Variants in SNX18 observed in about 807,000 individuals in gnomAD.
SNX18 encodes the protein sorting nexin-18.
Under a neutral mutation model 48.7 loss-of-function variants are expected in SNX18, and 35 were observed. The ratio of observed to expected loss-of-function variants is 0.72; its 90% CI spans 0.55 to 0.95. SNX18 has a LOEUF of 0.95. SNX18 is among the 40% of genes least tolerant of loss of function. The pLI, the probability that SNX18 is intolerant of heterozygous loss-of-function variation, is 0.00. For missense variants in SNX18, 824 were observed against 871.0 expected (o/e 0.95, Z 0.68); for synonymous variants, 492 against 384.7 (o/e 1.28, Z -3.26).
In SNX18 at chr5:54,518,538, T is replaced by C; in HGVS notation, c.586T>C (p.Ser196Pro). 6.3e-7 allele frequency: 1 copy of C among 1,580,614 alleles called. No homozygotes were observed. Among genetic ancestry groups the C allele is most frequent in the Non-Finnish European group, 8.6e-7 (1 of 1,164,570 alleles). ...GVGAAGRYRL[S>P]TRSDLSLGSR... ...GGGCGCAGCCGGCCGCTACCGCCTG[T>C]CCACGCGCTCCGACCTGTCCCTGGG... The change falls in exon 1 of 2, where the codon TCC becomes CCC. Residue 196 changes from serine (S) to proline (P), a missense_variant. By Grantham distance (74) the Ser-to-Pro change is moderately conservative. Transcript: ENST00000381410.
At chr5:54,621,763 TGATGA>T in the SNX18 span, among the ~76,000 whole-genome samples, 1 of 152,192 alleles carries the variant, frequency 6.6e-6, no homozygotes, top group Non-Finnish European at 1.5e-5. Flanking sequence ...TCCTTGTTCT[TGATGA>T]GATGGGTGGG....
At chr5:54,603,401 G>C in the SNX18 span, among the ~76,000 whole-genome samples, 1 of 151,930 alleles carries the variant, frequency 6.6e-6, no homozygotes, top group East Asian at 1.9e-4. Flanking sequence ...CACAATGCCT[G>C]GCCTAAAGAA....
chr5:54,640,548 G>T, the SNX18 span, among the ~76,000 whole-genome samples: 1 of 152,142 alleles, frequency 6.6e-6, no homozygotes, highest in African/African-American at 2.4e-5. Flanking sequence ...CTTACGCTCT[G>T]GCCTACAAGA....
the SNX18 span, among the ~76,000 whole-genome samples, chr5:54,574,944 C>T: frequency 6.6e-6 from 1 of 152,140 alleles, no homozygotes; most frequent in Non-Finnish European, 1.5e-5. Flanking sequence ...GGCCAGATTC[C>T]AAAGCATCTT....
chr5:54,528,665 TGACACACAG>T (rs932680896), intron 1 of SNX18, among the ~76,000 whole-genome samples: 1 of 152,206 alleles, frequency 6.6e-6, no homozygotes, highest in Non-Finnish European at 1.5e-5. Flanking sequence ...CTGTACCGTA[TGACACACAG>T]TCGTGGACAT....
chr5:54,622,414 G>A, the SNX18 span, among the ~76,000 whole-genome samples: 8 of 151,772 alleles, frequency 5.3e-5, no homozygotes, highest in East Asian at 1.6e-3. Flanking sequence ...TGGGAAGATC[G>A]TTTGAGCCCA....
the SNX18 span, among the ~76,000 whole-genome samples, chr5:54,600,330 A>T: frequency 6.6e-6 from 1 of 152,212 alleles, no homozygotes; most frequent in African/African-American, 2.4e-5. Context: ...AAGAAACAAC[A>T]GATGCTGGCA....
At chr5:54,528,986 G>A (rs932903328) in intron 1 of SNX18, among the ~76,000 whole-genome samples, 2 of 152,164 alleles carry the variant, frequency 1.3e-5, no homozygotes, top group African/African-American at 2.4e-5. Flanking sequence ...ACATGCTTTT[G>A]ATGTGCTGCT....
At chr5:54,630,788 C>A in the SNX18 span, among the ~76,000 whole-genome samples, 10 of 146,832 alleles carry the variant, frequency 6.8e-5, no homozygotes, top group African/African-American at 2.5e-4. Flanking sequence ...GAGCCAAGAT[C>A]GCCACTGCAC....
chr5:54,574,765 G>C, the SNX18 span, among the ~76,000 whole-genome samples: 2 of 152,044 alleles, frequency 1.3e-5, no homozygotes, highest in Non-Finnish European at 2.9e-5. Context: ...GTGTAGGGGC[G>C]GGTAAGGGTG....
intron 1 of SNX18, among the ~76,000 whole-genome samples, chr5:54,529,064 A>G (rs1762202120): frequency 2.6e-5 from 4 of 152,216 alleles, no homozygotes; most frequent in Admixed American, 2.6e-4. Flanking sequence ...CGACATGGCC[A>G]GGCCTGCACT....
At chr5:54,577,531 C>G in the SNX18 span, among the ~76,000 whole-genome samples, 1 of 152,016 alleles carries the variant, frequency 6.6e-6, no homozygotes, top group Non-Finnish European at 1.5e-5. Flanking sequence ...AATTGAAGCC[C>G]AGAGAGAGTT....
chr5:54,619,342 C>G, the SNX18 span, among the ~76,000 whole-genome samples: 1 of 152,266 alleles, frequency 6.6e-6, no homozygotes, highest in South Asian at 2.1e-4. Flanking sequence ...AAAACCCCAT[C>G]TCTACAAAAA....
At chr5:54,615,365 G>A in the SNX18 span, among the ~76,000 whole-genome samples, 1 of 152,122 alleles carries the variant, frequency 6.6e-6, no homozygotes, top group African/African-American at 2.4e-5. Context: ...CTCTGGGCTT[G>A]TGCCCCTACT....
Position 54,517,781 on chromosome 5 carries a change from C to T in SNX18, c.-172C>T, listed in dbSNP as rs1217558710. On this transcript the variant is annotated 5_prime_UTR_variant, in exon 1 of 2. Transcript: ENST00000381410. ...GGCAGTCGGCGCTGCGAAGTGGAGG[C>T]GCTGCGAGCGGAGCCGCGCGGAGGG... The T allele has an allele frequency of 9.7e-6, 5 of 514,250 alleles. No homozygotes were observed. In the Admixed American group the frequency reaches 1.4e-4, roughly 15 times the overall value. 31.9% of individuals were successfully genotyped at this position (514,250 alleles called of 1,614,324 possible).
At chr5:54,619,593 A>C in the SNX18 span, among the ~76,000 whole-genome samples, 67 of 152,290 alleles carry the variant, frequency 4.4e-4, no homozygotes, top group Non-Finnish European at 7.2e-4. Context: ...TGAATACACT[A>C]TCTATGATTC....
chr5:54,542,714 T>G (rs1169094186), intron 1 of SNX18, among the ~76,000 whole-genome samples: 1 of 152,242 alleles, frequency 6.6e-6, no homozygotes, highest in Non-Finnish European at 1.5e-5. Context: ...AGAGTCTGAA[T>G]TATTTAGTGA....
chr5:54,519,230 C>G lies in SNX18; in HGVS notation c.1278C>G (p.Ser426Arg). The G allele has an allele frequency of 6.2e-7, 1 of 1,614,132 alleles. No homozygotes were observed. Among genetic ancestry groups the G allele is most frequent in the Non-Finnish European group, 8.5e-7 (1 of 1,180,026 alleles). Residue 426 changes from serine (S) to arginine (R), a missense_variant, in exon 1 of 2, where the codon AGC (serine) becomes AGG (arginine). By Grantham distance (110) the Ser-to-Arg change is moderately radical. This residue lies in a region of SNX18 where 443 missense variants were observed against 503.6 expected (regional missense o/e 0.88). Transcript: ENST00000381410. Reference protein sequence around the residue: ...AAALDLQEVESKIDGFKCFTK... With the variant: ...AAALDLQEVERKIDGFKCFTK... ...CCCTTGACCTGCAGGAGGTGGAGAG[C>G]AAGATCGACGGCTTCAAGTGCTTCA... is the stretch of plus-strand genomic sequence containing the variant.
the SNX18 span, among the ~76,000 whole-genome samples, chr5:54,602,528 G>A: frequency 8.4e-4 from 128 of 152,308 alleles, 1 homozygote; most frequent in African/African-American, 3.0e-3. Flanking sequence ...GAATCCATAG[G>A]AGTGTGCAGC....
Sources: allele counts gnomAD v4.1 joint callset (sites outside exome capture counted in the v4.1 genomes callset), GRCh38; gene constraint gnomAD v4.1.1; regional missense constraint gnomAD v4.1.1; transcripts MANE v1.5; gene names NCBI Gene and HGNC (gene_info 2026-07-23, HGNC 2026-07-21).